The following CAMK2A variants were observed in gnomAD, a reference collection of about 807,000 sequenced individuals.
The protein encoded by CAMK2A is calcium/calmodulin dependent protein kinase II alpha.
CAMK2A carries 7 observed loss-of-function variants against 79.2 expected under a neutral mutation model. The ratio of observed to expected loss-of-function variants is 0.09; its 90% CI spans 0.05 to 0.17. The LOEUF is 0.17. CAMK2A is among the 10% of genes least tolerant of loss of function. The pLI is 1.00. For missense variants in CAMK2A, 214 were observed against 646.4 expected (o/e 0.33, Z 7.25); for synonymous variants, 242 against 251.7 (o/e 0.96, Z 0.36).
rs547517706 is a variant in CAMK2A, at chr5:150,232,678, G to A, written c.1067-1298C>T. ...ACACATTGCCAGGATTGCAAGCTCA[G>A]GCCTGGCCTCAGCATTTCTCAGTCT... On this transcript the variant is annotated intron_variant, in intron 15 of 18. Coordinates refer to ENST00000671881, the MANE Select transcript of CAMK2A (RefSeq NM_015981.4). Among the ~76,000 whole-genome samples, 262 of 152,328 alleles carry A rather than the reference G, an allele frequency of 1.7e-3. 1 individual carries two copies. Among genetic ancestry groups the A allele is most frequent in the African/African-American group, 6.2e-3 (258 of 41,564 alleles).
intron 3 of CAMK2A, among the ~76,000 whole-genome samples, chr5:150,260,543 C>T (rs1756263165): frequency 6.6e-6 from 1 of 152,088 alleles, no homozygotes; most frequent in African/African-American, 2.4e-5. Flanking sequence ...TGGGCCCTGC[C>T]CAGAAGCCCT....
chr5:150,287,311 T>C (rs1359442981), intron 1 of CAMK2A, among the ~76,000 whole-genome samples: 1 of 152,246 alleles, frequency 6.6e-6, no homozygotes, highest in Non-Finnish European at 1.5e-5. Context: ...TGTGCGTTTT[T>C]CTGGGGAACG....
rs367803934 is a variant in CAMK2A at position 150,256,517 on chromosome 5, C to G, written c.411+56G>C. On this transcript the variant is annotated intron_variant, in intron 6 of 18. Transcript: ENST00000671881. This position sits in a 1 kb window ranked among gnomAD's most constrained non-coding sequence, Gnocchi z 4.6. Reference sequence around the variant, plus strand: ...ATGTCCAGCTCTGCAGGATTAGGGACGTGCAGAGGAGAGAGGGGCTCCCGG... The same window carrying G: ...ATGTCCAGCTCTGCAGGATTAGGGAGGTGCAGAGGAGAGAGGGGCTCCCGG... 2.6e-6 allele frequency: 3 copies of G among 1,152,892 alleles called. No homozygotes were observed. In the African/African-American group the frequency reaches 4.5e-5, roughly 17 times the overall value. 71.4% of individuals were successfully genotyped at this position (1,152,892 alleles called of 1,614,324 possible). A position where few individuals can be genotyped will look rare whatever the true frequency, so the allele number is the denominator to read the frequency against.
intron 10 of CAMK2A, 43 bp from the exon 11 acceptor site, chr5:150,250,352 G>A (rs1755778282): frequency 2.0e-6 from 3 of 1,538,144 alleles, no homozygotes; most frequent in Non-Finnish European, 2.7e-6. Flanking sequence ...AAGGCAGGCT[G>A]GAAGACAGGC....
intron 7 of CAMK2A, 41 bp downstream of exon 7, chr5:150,253,403 G>A: frequency 6.8e-7 from 1 of 1,464,902 alleles, no homozygotes; most frequent in Non-Finnish European, 9.6e-7. Context: ...AACACAAATG[G>A]GTGCTGACCC....
At chr5:150,237,794 C>T (rs1012741291) in intron 15 of CAMK2A, among the ~76,000 whole-genome samples, 2 of 152,230 alleles carry the variant, frequency 1.3e-5, no homozygotes, top group Non-Finnish European at 2.9e-5. Flanking sequence ...TAGCACACAG[C>T]AAGCATTCCA....
intron 9 of CAMK2A, among the ~76,000 whole-genome samples, 154 bp from the exon 10 acceptor site, chr5:150,250,964 G>A (rs1755806078): frequency 6.6e-6 from 1 of 152,234 alleles, no homozygotes; most frequent in Non-Finnish European, 1.5e-5. Flanking sequence ...CACTGCAGGG[G>A]AGGGCCCTAG....
At chr5:150,288,609 C>A (rs1020086244) in intron 1 of CAMK2A, among the ~76,000 whole-genome samples, 1 of 152,202 alleles carries the variant, frequency 6.6e-6, no homozygotes, top group Admixed American at 6.5e-5. Flanking sequence ...CCCCTCCCCC[C>A]GTGCTCCTGC....
In CAMK2A at chr5:150,256,928, C is replaced by A; in HGVS notation, c.273-97G>T. 2.0e-6 allele frequency: 2 copies of A among 996,136 alleles called. No individual in the cohort carries two copies. The highest frequency in any genetic ancestry group is 3.3e-5 in the South Asian group (2 of 61,322). The allele number at this position is 996,136 out of a possible 1,614,324, so 61.7% of individuals were successfully genotyped here. A position where few individuals can be genotyped will look rare whatever the true frequency, so the allele number is the denominator to read the frequency against. ...GAAACTAAGGATGGGGCCCAGGGAC[C>A]TCAGGACCTCAGCCACAAAAGGAGG... On this transcript the variant is annotated intron_variant, in intron 4 of 18. Transcript: ENST00000671881. This position sits in a 1 kb window ranked among gnomAD's most constrained non-coding sequence, Gnocchi z 4.6.
intron 1 of CAMK2A, among the ~76,000 whole-genome samples, chr5:150,280,332 G>A (rs530579540): frequency 1.3e-5 from 2 of 152,210 alleles, no homozygotes; most frequent in African/African-American, 2.4e-5. Context: ...GCCCCTTACG[G>A]TAGTCTTTAG....
At chr5:150,230,321 A>G (rs1402392076) in intron 16 of CAMK2A, among the ~76,000 whole-genome samples, 3 of 125,978 alleles carry the variant, frequency 2.4e-5, no homozygotes, top group Non-Finnish European at 5.3e-5. Flanking sequence ...CCGTCTCAAA[A>G]AAAAAAAAAA....
At chr5:150,260,199 G>A (rs1756242471) in intron 3 of CAMK2A, among the ~76,000 whole-genome samples, 1 of 151,042 alleles carries the variant, frequency 6.6e-6, no homozygotes, top group African/African-American at 2.5e-5. Flanking sequence ...GCTCACGACT[G>A]TAATCCCAGC....
intron 16 of CAMK2A, among the ~76,000 whole-genome samples, chr5:150,230,344 A>AAAAAAAAAGGG (rs1491396186): frequency 1.6e-5 from 1 of 64,278 alleles, no homozygotes; most frequent in Non-Finnish European, 3.9e-5. Flanking sequence ...AAAAAAAGGG[A>AAAAAAAAAGGG]AAAAAAAAAG....
intron 17 of CAMK2A, among the ~76,000 whole-genome samples, chr5:150,226,450 T>A (rs1182319156): frequency 6.6e-6 from 1 of 152,122 alleles, no homozygotes; most frequent in African/African-American, 2.4e-5. Flanking sequence ...TTAAAGTATT[T>A]CCTGGGGTGG....
At chr5:150,272,925 C>G (rs1250992631) in intron 2 of CAMK2A, 140 bp downstream of exon 2, 16 of 667,140 alleles carry the variant, frequency 2.4e-5, no homozygotes, top group Admixed American at 4.9e-5. Flanking sequence ...TCTCATGACA[C>G]CCCGGGAAGA....
chr5:150,243,840 G>C (rs1755449210), intron 13 of CAMK2A, among the ~76,000 whole-genome samples: 1 of 152,116 alleles, frequency 6.6e-6, no homozygotes, highest in South Asian at 2.1e-4. Context: ...CCGAGGTCCA[G>C]CTGCAGGCAA....
At chr5:150,262,761 G>A (rs955433323) in intron 3 of CAMK2A, among the ~76,000 whole-genome samples, 13 of 152,138 alleles carry the variant, frequency 8.5e-5, no homozygotes, top group African/African-American at 3.1e-4. Flanking sequence ...TAGAAGGTGG[G>A]TGCTGTGATT....
intron 12 of CAMK2A, 143 bp downstream of exon 12, chr5:150,247,629 G>T: frequency 1.6e-6 from 1 of 638,920 alleles, no homozygotes; most frequent in South Asian, 2.0e-5. Flanking sequence ...CGTGGCAGGT[G>T]AGCTAAGCCC....
chr5:150,251,631 C>T, intron 9 of CAMK2A, 119 bp downstream of exon 9: 1 of 667,568 alleles, frequency 1.5e-6, no homozygotes, highest in Non-Finnish European at 2.5e-6. Flanking sequence ...TGGCCCTGGT[C>T]AGTCTTCATG....
Sources: allele counts gnomAD v4.1 joint callset (sites outside exome capture counted in the v4.1 genomes callset), GRCh38; gene constraint gnomAD v4.1.1; non-coding constraint Gnocchi (gnomAD v3.1); transcripts MANE v1.5; gene names NCBI Gene and HGNC (gene_info 2026-07-23, HGNC 2026-07-21).